PCDHGA1: variants seen among roughly 807,000 people sequenced by gnomAD.
PCDHGA1 encodes protocadherin gamma subfamily A, 1, also known as protocadherin gamma-A1.
A neutral mutation model predicts 58.0 loss-of-function variants in PCDHGA1; 32 were observed. The ratio of observed to expected loss-of-function variants is 0.55; its 90% confidence interval spans 0.42 to 0.74. The LOEUF (loss-of-function observed/expected upper bound fraction) is 0.74. Among genes scored for constraint, PCDHGA1 ranks in the 30% least tolerant of loss-of-function variants. The probability of loss-of-function intolerance (pLI) is 0.00; values close to 1 mark genes in which losing one functional copy is unlikely to be tolerated. For missense variants in PCDHGA1, 1,205 were observed against 1,182.3 expected (o/e 1.02, Z -0.28); for synonymous variants, 498 against 501.1 (o/e 0.99, Z 0.08).
chr5:141,352,790 G>A, intron 1 of PCDHGA1: 2 of 1,007,032 alleles, frequency 2.0e-6, no homozygotes, highest in South Asian at 1.6e-5. Context: ...AGGAGTTTGA[G>A]ACCAGCATAG....
At chr5:141,383,436 C>T in intron 1 of PCDHGA1, 1 of 1,613,968 alleles carries the variant, frequency 6.2e-7, no homozygotes, top group Non-Finnish European at 8.5e-7. Flanking sequence ...GCCACTTCTC[C>T]CTGGCTGTGC....
chr5:141,427,936 G>A, intron 1 of PCDHGA1: 1 of 1,584,966 alleles, frequency 6.3e-7, no homozygotes, highest in Admixed American at 1.7e-5. Context: ...ATGTTGGTGG[G>A]CGACCTCAAT....
At chr5:141,388,270 A>G (rs1387371856) in intron 1 of PCDHGA1, 1 of 1,596,568 alleles carries the variant, frequency 6.3e-7, no homozygotes, top group Non-Finnish European at 8.5e-7. Flanking sequence ...ATTAATGACC[A>G]CACGCCAAAA....
intron 1 of PCDHGA1, chr5:141,361,317 G>T (rs1244166990): frequency 6.2e-7 from 1 of 1,613,944 alleles, no homozygotes. Flanking sequence ...AGTTTATTTT[G>T]AAATCTTCCT....
chr5:141,371,427 C>G lies in PCDHGA1; in HGVS notation c.2421+38322C>G, dbSNP rs773502490. The stretch of plus-strand genomic sequence containing the variant: ...TATTTCAGATGAAAATGACAATGCC[C>G]CGGAGATAACCCTGGCTTCTGAATC... On this transcript the variant is annotated intron_variant, in intron 1 of 3. Transcript: ENST00000517417. 1.9e-6 allele frequency: 3 copies of G among 1,613,898 alleles called. No homozygotes were observed. Among genetic ancestry groups the G allele is most frequent in the South Asian group, 2.2e-5 (2 of 91,072 alleles).
chr5:141,350,906 G>T, intron 1 of PCDHGA1: 1 of 1,613,976 alleles, frequency 6.2e-7, no homozygotes, highest in Admixed American at 1.7e-5. Flanking sequence ...GGATGGCGGG[G>T]ACCCGCCTCT....
At chr5:141,437,393 G>T (rs1034237295) in intron 1 of PCDHGA1, among the ~76,000 whole-genome samples, 3 of 152,180 alleles carry the variant, frequency 2.0e-5, no homozygotes, top group Admixed American at 6.5e-5. Flanking sequence ...TTCATCCACT[G>T]CTTTCATTCC....
chr5:141,408,575 G>A (rs1300122367), intron 1 of PCDHGA1: 4 of 1,613,918 alleles, frequency 2.5e-6, no homozygotes, highest in East Asian at 2.2e-5. Context: ...GGTGATTGAG[G>A]ATGTTAATGA....
Position 141,451,680 on chromosome 5 carries a change from A to G in PCDHGA1, c.2422-43127A>G, listed in dbSNP as rs189200375. Among the ~76,000 whole-genome samples, 85 of 152,310 alleles carry G rather than the reference A, an allele frequency of 5.6e-4. 1 individual carries two copies. The East Asian group carries it at 0.012, about 21-fold the overall frequency. On this transcript the variant is annotated intron_variant, in intron 1 of 3. Coordinates refer to ENST00000517417, the MANE Select transcript of PCDHGA1 (RefSeq NM_018912.3). The stretch of plus-strand genomic sequence containing the variant: ...GTGGACTGCTTGAGCCCAGGAGTTC[A>G]AGACCAGCCTGGGTAACATGACAAA...
At chr5:141,376,952 G>T (rs1773571680) in intron 1 of PCDHGA1, 1 of 165,710 alleles carries the variant, frequency 6.0e-6, no homozygotes, top group African/African-American at 2.4e-5. Flanking sequence ...CTCCCAAAGT[G>T]CTGGGATTAC....
At chr5:141,457,953 C>G (rs12188170) in intron 1 of PCDHGA1, among the ~76,000 whole-genome samples, 6,291 of 152,286 alleles carry the variant, frequency 0.041, 196 homozygotes, top group Admixed American at 0.075. Context: ...GCATGTCAAG[C>G]TTGATTCCTT....
intron 1 of PCDHGA1, chr5:141,415,772 T>TTTA (rs1561760673): frequency 5.3e-6 from 7 of 1,332,980 alleles, no homozygotes; most frequent in Non-Finnish European, 6.7e-6. Flanking sequence ...TTTTTTTTTT[T>TTTA]ACTTTCTGGT....
Position 141,475,863 on chromosome 5 carries a change from C to G in PCDHGA1, c.2422-18944C>G, listed in dbSNP as rs1037784260. On this transcript the variant is annotated intron_variant, in intron 1 of 3. Transcript: ENST00000517417. ...TCAGAGAGCCCGGCGCTAGCTCATT[C>G]TTCGTGCAGTTATTGGCTGGGACTC... is the stretch of plus-strand genomic sequence containing the variant. 1.4e-5 allele frequency: 7 copies of G among 499,790 alleles called. 1 individual carries two copies. The highest frequency in any genetic ancestry group is 1.4e-4 in the African/African-American group (7 of 51,600). The allele number at this position is 499,790 out of a possible 1,614,324, so 31.0% of individuals were successfully genotyped here. A position where few individuals can be genotyped will look rare whatever the true frequency, so the allele number is the denominator to read the frequency against.
At chr5:141,420,462 G>T in intron 1 of PCDHGA1, 2 of 892,618 alleles carry the variant, frequency 2.2e-6, no homozygotes. Context: ...ACTATTCAAA[G>T]ACATTTTAAA....
At position 141,437,148 on chromosome 5, in the gene PCDHGA1, A is replaced by T. The variant is rs1196014608; in HGVS notation, c.2422-57659A>T. ...GTTGATAATTTAGGATTCATAATTA[A>T]CATATGTGTTGATTGTTTTCTGAGA... is the stretch of plus-strand genomic sequence containing the variant. On this transcript the variant is annotated intron_variant, in intron 1 of 3. Coordinates refer to ENST00000517417, the MANE Select transcript of PCDHGA1 (RefSeq NM_018912.3). Among the ~76,000 whole-genome samples the T allele has an allele frequency of 2.0e-5, 3 of 152,214 alleles. No individual in the cohort carries two copies. In the East Asian group the frequency reaches 5.8e-4, roughly 29 times the overall value.
At chr5:141,430,818 T>G (rs1240970813) in intron 1 of PCDHGA1, 2 of 1,540,582 alleles carry the variant, frequency 1.3e-6, no homozygotes, top group Non-Finnish European at 1.7e-6. Flanking sequence ...GGAATCCTCC[T>G]GGGGACTCTG....
intron 2 of PCDHGA1, among the ~76,000 whole-genome samples, chr5:141,497,522 G>A (rs998999424): frequency 3.3e-5 from 5 of 150,848 alleles, no homozygotes; most frequent in African/African-American, 4.9e-5. Flanking sequence ...TAGTTAACTT[G>A]TGGAGGATGC....
At chr5:141,380,404 C>T (rs972826552) in intron 1 of PCDHGA1, among the ~76,000 whole-genome samples, 3 of 152,146 alleles carry the variant, frequency 2.0e-5, no homozygotes, top group Middle Eastern at 6.3e-3. Flanking sequence ...ATAATCAATT[C>T]GATGCCCAGG....
chr5:141,331,030 C>CT lies in PCDHGA1; in HGVS notation c.351dup (p.Pro118SerfsTer3), dbSNP rs1278168513. 6.2e-7 allele frequency: 1 copy of CT among 1,613,266 alleles called. No individual in the cohort carries two copies. On this transcript the variant is annotated frameshift_variant, in exon 1 of 4. Coordinates refer to ENST00000517417, the MANE Select transcript of PCDHGA1 (RefSeq NM_018912.3). LOFTEE classifies it high-confidence loss of function. Reference sequence around the variant, plus strand: ...TATCCTTGTTGAGGATAAAATGAAGCTTTTTCCTGTTGAAGTAGAAATAAT... The same window carrying CT: ...TATCCTTGTTGAGGATAAAATGAAGCTTTTTTCCTGTTGAAGTAGAAATAAT...
Sources: allele counts gnomAD v4.1 joint callset (sites outside exome capture counted in the v4.1 genomes callset), GRCh38; gene constraint gnomAD v4.1.1; transcripts MANE v1.5; gene names NCBI Gene and HGNC (gene_info 2026-07-23, HGNC 2026-07-21).